Variants in HELQ observed in about 807,000 individuals in gnomAD.
HELQ encodes the protein helicase POLQ-like.
A neutral mutation model predicts 111.6 loss-of-function variants in HELQ; 77 were observed. The ratio of observed to expected loss-of-function variants is 0.69; its 90% CI spans 0.57 to 0.83. HELQ has a LOEUF of 0.83. Ranked by LOEUF, HELQ falls within the 40% of genes least tolerant of loss-of-function variation. HELQ has a pLI of 0.00. For missense variants in HELQ, 1,200 were observed against 1,288.5 expected (o/e 0.93, Z 1.05); for synonymous variants, 438 against 454.7 (o/e 0.96, Z 0.47).
intron 17 of HELQ, among the ~76,000 whole-genome samples, chr4:83,413,860 G>T (rs28620103): frequency 0.022 from 3,363 of 152,260 alleles, 139 homozygotes; most frequent in African/African-American, 0.076. Context: ...TCAGCTGTTG[G>T]TCATGTGAGT....
chr4:83,416,302 C>T (rs1209406283), intron 17 of HELQ, among the ~76,000 whole-genome samples: 1 of 150,508 alleles, frequency 6.6e-6, no homozygotes, highest in Non-Finnish European at 1.5e-5. Context: ...CTCAGTGCAG[C>T]CTTGAACTCC....
Position 83,426,051 on chromosome 4 carries a change from A to ATT in HELQ, c.2717_2718insAA (p.Leu907IlefsTer91), listed in dbSNP as rs1719831869. The stretch of plus-strand genomic sequence containing the variant: ...CAATAAAGCTTTCAGAGACTCCAAG[A>ATT]ATGGCAGCTACATTTTGTTCTGCTG... On this transcript the variant is annotated frameshift_variant, in exon 14 of 18. Coordinates refer to ENST00000295488, the MANE Select transcript of HELQ (RefSeq NM_133636.5). LOFTEE classifies it high-confidence loss of function. 1 of 1,611,204 alleles carries ATT rather than the reference A, an allele frequency of 6.2e-7. No individual in the cohort carries two copies. Among genetic ancestry groups the ATT allele is most frequent in the Non-Finnish European group, 8.5e-7 (1 of 1,177,822 alleles).
At position 83,409,158 on chromosome 4, in the gene HELQ, C is replaced by G. The variant is rs150084087; in HGVS notation, c.3199-1598G>C. Among the ~76,000 whole-genome samples the G allele has an allele frequency of 2.3e-3, 343 of 152,320 alleles. 1 individual carries two copies. The highest frequency in any genetic ancestry group is 8.0e-3 in the African/African-American group (333 of 41,572). On this transcript the variant is annotated intron_variant, in intron 17 of 17. Coordinates refer to ENST00000295488, the MANE Select transcript of HELQ (RefSeq NM_133636.5). The stretch of plus-strand genomic sequence containing the variant: ...ACTTTGCTACTCTGACAGAAGAGAA[C>G]ACTCTTGAACTGGGATCTCATAAAT...
At chr4:83,428,829 A>T (rs904162154) in intron 12 of HELQ, among the ~76,000 whole-genome samples, 1 of 151,230 alleles carries the variant, frequency 6.6e-6, no homozygotes, top group Admixed American at 6.6e-5. Context: ...TTTCAGAATA[A>T]TATAAATGAT....
chr4:83,410,425 G>A (rs1269749501), intron 17 of HELQ, among the ~76,000 whole-genome samples: 2 of 152,144 alleles, frequency 1.3e-5, no homozygotes, highest in Admixed American at 6.6e-5. Context: ...GACAAAAAGT[G>A]CTGTAAATAA....
chr4:83,429,387 G>C, intron 12 of HELQ, 137 bp downstream of exon 12: 1 of 637,172 alleles, frequency 1.6e-6, no homozygotes, highest in East Asian at 2.8e-5. Flanking sequence ...AACCTCAAGT[G>C]ATCCGCTCCC....
At chr4:83,427,788 T>C in intron 12 of HELQ, 68 bp from the exon 13 acceptor site, 1 of 1,181,642 alleles carries the variant, frequency 8.5e-7, no homozygotes, top group Non-Finnish European at 1.1e-6. Context: ...GCTTTAAATA[T>C]TGTGTAGAAA....
chr4:83,454,851 C>G (rs771520624), intron 1 of HELQ, among the ~76,000 whole-genome samples: 4 of 152,184 alleles, frequency 2.6e-5, no homozygotes, highest in Non-Finnish European at 4.4e-5. Flanking sequence ...TCTACAGTGA[C>G]TGGCCTCTAA....
At chr4:83,435,370 C>G (rs1720392978) in intron 9 of HELQ, among the ~76,000 whole-genome samples, 1 of 151,720 alleles carries the variant, frequency 6.6e-6, no homozygotes, top group Non-Finnish European at 1.5e-5. Context: ...CATGCAGAGA[C>G]AAAAATGAGC....
chr4:83,454,485 C>T (rs1231708492), intron 1 of HELQ, among the ~76,000 whole-genome samples: 3 of 152,054 alleles, frequency 2.0e-5, no homozygotes, highest in Non-Finnish European at 2.9e-5. Flanking sequence ...TCACAGCTCA[C>T]TGCAGTCTTG....
intron 1 of HELQ, chr4:83,455,143 G>A (rs1721682528): frequency 3.6e-6 from 2 of 549,096 alleles, no homozygotes; most frequent in Non-Finnish European, 6.2e-6. Context: ...AGTAGGAGCT[G>A]CAGTTATCTG....
intron 16 of HELQ, among the ~76,000 whole-genome samples, chr4:83,417,356 C>T (rs1381831265): frequency 6.6e-6 from 1 of 152,070 alleles, no homozygotes; most frequent in Non-Finnish European, 1.5e-5. Flanking sequence ...GCGCACGACA[C>T]CATACTTGGC....
In HELQ at chr4:83,453,844, G is replaced by C. The variant is rs1721547584; in HGVS notation, c.399C>G (p.Leu133=). 1 of 1,613,848 alleles carries C rather than the reference G, an allele frequency of 6.2e-7. No homozygotes were observed. The highest frequency in any genetic ancestry group is 8.5e-7 in the Non-Finnish European group (1 of 1,179,814). The change falls in exon 2 of 18, where the codon CTC becomes CTG. Residue 133 remains leucine (L), a synonymous_variant. Transcript: ENST00000295488. ...CTGTAGCATGTTTCTTATGTTCAGG[G>C]AGTTGCATATATTTTTGTTCCAGGT... ...VDDLEQKYMQ[L]PEHKKHATDF...
At chr4:83,418,976 C>G (rs1169032358) in intron 15 of HELQ, among the ~76,000 whole-genome samples, 3 of 152,068 alleles carry the variant, frequency 2.0e-5, no homozygotes, top group Non-Finnish European at 4.4e-5. Context: ...TTTTCTGTAA[C>G]TTGTAGTTAA....
chr4:83,452,612 G>A (rs1721450743), intron 2 of HELQ, among the ~76,000 whole-genome samples: 1 of 152,196 alleles, frequency 6.6e-6, no homozygotes, highest in Admixed American at 6.5e-5. Flanking sequence ...AGCCAGCCAA[G>A]GAAATACAAC....
rs766440429 is a variant in HELQ, at chr4:83,431,648, A to C, written c.2295+16T>G. 7.0e-7 allele frequency: 1 copy of C among 1,422,040 alleles called. No individual in the cohort carries two copies. Among genetic ancestry groups the C allele is most frequent in the African/African-American group, 1.5e-5 (1 of 68,226 alleles). 88.1% of individuals were successfully genotyped at this position (1,422,040 alleles called of 1,614,324 possible). A position where few individuals can be genotyped will look rare whatever the true frequency, so the allele number is the denominator to read the frequency against. ...CTCAGATAACAGTAATAAGATAAAA[A>C]ATTTAAGAAAAATACCTTCAAACCA... is the stretch of plus-strand genomic sequence containing the variant. On this transcript the variant is annotated intron_variant, in intron 11 of 17. Coordinates refer to ENST00000295488, the MANE Select transcript of HELQ (RefSeq NM_133636.5).
chr4:83,453,771 T>C lies in HELQ; in HGVS notation c.472A>G (p.Ser158Gly). ...GTAAGGTTGCCTATGGTAGTAATGC[T>C]GAGTTTGTTTTTGATACTTTCCGAG... ...LCSESIKNKL[S>G]ITTIGNLTEL... The change falls in exon 2 of 18, where the codon AGC becomes GGC. Residue 158 changes from serine (S) to glycine (G), a missense_variant. Ser to Gly is a moderately conservative substitution (Grantham distance 56). This residue lies in a region of HELQ where 610 missense variants were observed against 607.1 expected (regional missense o/e 1.00). Coordinates refer to ENST00000295488, the MANE Select transcript of HELQ (RefSeq NM_133636.5). 1 of 1,614,224 alleles carries C rather than the reference T, an allele frequency of 6.2e-7. No individual in the cohort carries two copies. The highest frequency in any genetic ancestry group is 8.5e-7 in the Non-Finnish European group (1 of 1,180,040).
chr4:83,432,946 G>A (rs998406762), intron 9 of HELQ, among the ~76,000 whole-genome samples: 2 of 152,044 alleles, frequency 1.3e-5, no homozygotes, highest in Admixed American at 1.3e-4. Context: ...TGTAGTCCCA[G>A]ATACTTGGGA....
chr4:83,448,959 A>T lies in HELQ; in HGVS notation c.1015T>A (p.Trp339Arg). Residue 339 changes from tryptophan to arginine, a missense_variant and splice_region_variant, in exon 3 of 18, where the codon TGG (tryptophan) becomes AGG (arginine). Around this residue, in one of 3 missense-constraint regions of HELQ, gnomAD observed 610 missense variants for 607.1 expected, o/e 1.00. Transcript: ENST00000295488. ...TTCAATGTTAAACAAGTATGTTGCC[A>T]TTCTGTGGAATTAAAAAAAAAAAGG... is the stretch of plus-strand genomic sequence containing the variant. ...QFKGIEKLYE[W>R]QHTCLTLNSV... 6.5e-7 allele frequency: 1 copy of T among 1,526,784 alleles called. No individual in the cohort carries two copies. Among genetic ancestry groups the T allele is most frequent in the Non-Finnish European group, 8.8e-7 (1 of 1,139,650 alleles). 94.6% of individuals were successfully genotyped at this position (1,526,784 alleles called of 1,614,324 possible). A position where few individuals can be genotyped will look rare whatever the true frequency, so the allele number is the denominator to read the frequency against.
Sources: allele counts gnomAD v4.1 joint callset (sites outside exome capture counted in the v4.1 genomes callset), GRCh38; gene constraint gnomAD v4.1.1; regional missense constraint gnomAD v4.1.1; transcripts MANE v1.5; gene names NCBI Gene and HGNC (gene_info 2026-07-23, HGNC 2026-07-21).